The following MYT1L variants were observed in gnomAD, a reference collection of about 807,000 sequenced individuals.
MYT1L encodes myelin transcription factor 1 like.
Under a neutral mutation model 126.7 loss-of-function variants are expected in MYT1L, and 12 were observed. That is an observed-to-expected ratio of 0.09 (90% CI 0.06 to 0.15). The LOEUF (loss-of-function observed/expected upper bound fraction) is 0.15. Ranked by LOEUF, MYT1L falls within the 10% of genes least tolerant of loss-of-function variation. MYT1L has a pLI of 1.00. For missense variants in MYT1L, 979 were observed against 1,585.2 expected, an observed-to-expected ratio of 0.62 and a Z score of 6.49; for synonymous variants, 541 against 604.2, an observed-to-expected ratio of 0.90 and a Z score of 1.53.
At chr2:1,810,128 G>A (rs1239121805) in intron 21 of MYT1L, 2 of 111,936 alleles carry the variant, frequency 1.8e-5, no homozygotes, top group Non-Finnish European at 3.5e-5. Flanking sequence ...TATATATAAC[G>A]CTTTTTTTTT....
chr2:2,199,474 C>T (rs2092964733), intron 2 of MYT1L, among the ~76,000 whole-genome samples: 1 of 152,170 alleles, frequency 6.6e-6, no homozygotes, highest in South Asian at 2.1e-4. Context: ...CCGTCACACT[C>T]TCCTTCCCCC....
chr2:1,830,489 C>T (rs955102475), intron 21 of MYT1L, among the ~76,000 whole-genome samples: 7 of 151,700 alleles, frequency 4.6e-5, no homozygotes, highest in Admixed American at 1.3e-4. Flanking sequence ...AGGGTGTTCT[C>T]GGCACCCCGA....
intron 1 of MYT1L, among the ~76,000 whole-genome samples, chr2:2,290,222 A>AC (rs1427491900): frequency 8.5e-5 from 13 of 152,230 alleles, no homozygotes; most frequent in Admixed American, 7.2e-4. Context: ...TCCCATGGTC[A>AC]CCCCCAACCT....
chr2:1,854,125 G>T (rs1006250076), intron 18 of MYT1L, among the ~76,000 whole-genome samples: 1 of 152,014 alleles, frequency 6.6e-6, no homozygotes, highest in Non-Finnish European at 1.5e-5. Context: ...TAAAATTTGG[G>T]AGGGTAGAAT....
At chr2:2,287,288 T>C (rs941293283) in intron 1 of MYT1L, among the ~76,000 whole-genome samples, 4 of 152,130 alleles carry the variant, frequency 2.6e-5, no homozygotes, top group Admixed American at 6.6e-5. Context: ...TTTTTAAAAA[T>C]TCAGATAATC....
chr2:2,239,868 T>C (rs894263219), intron 2 of MYT1L, among the ~76,000 whole-genome samples: 2 of 150,830 alleles, frequency 1.3e-5, no homozygotes, highest in African/African-American at 2.5e-5. Flanking sequence ...GGGGAGCTCT[T>C]GAGTCTTCTC....
Position 1,851,633 on chromosome 2 carries a change from C to T in MYT1L, c.2774+8G>A. The T allele has an allele frequency of 1.9e-6, 3 of 1,612,788 alleles. No homozygotes were observed. The South Asian group carries it at 3.3e-5, about 18-fold the overall frequency. ...CATTTTGGAGAGAAGAGTAGCATCTCTACATACCTCCGATGAGAAGCATAA... is the reference window on the plus strand; with the variant it reads ...CATTTTGGAGAGAAGAGTAGCATCTTTACATACCTCCGATGAGAAGCATAA... On this transcript the variant is annotated splice_region_variant and intron_variant, in intron 19 of 24. Coordinates refer to ENST00000647738, the MANE Select transcript of MYT1L (RefSeq NM_001303052.2).
intron 3 of MYT1L, among the ~76,000 whole-genome samples, chr2:2,109,912 T>C (rs1359659241): frequency 7.6e-6 from 1 of 131,228 alleles, no homozygotes; most frequent in Non-Finnish European, 1.7e-5. Flanking sequence ...TATATATATA[T>C]ATATATATAT....
chr2:1,833,784 C>T (rs1431049474), intron 21 of MYT1L, among the ~76,000 whole-genome samples: 1 of 152,250 alleles, frequency 6.6e-6, no homozygotes, highest in Non-Finnish European at 1.5e-5. Context: ...TTTTCTATTT[C>T]TCTTACATCA....
chr2:1,909,764 C>G (rs2051641181), intron 13 of MYT1L, among the ~76,000 whole-genome samples: 1 of 152,184 alleles, frequency 6.6e-6, no homozygotes. Context: ...TTGGGCGTAA[C>G]AGGAGGGAGC....
At chr2:1,902,833 G>C in intron 14 of MYT1L, 1 of 510,524 alleles carries the variant, frequency 2.0e-6, no homozygotes, top group South Asian at 2.2e-5. Flanking sequence ...TCCACGAGCA[G>C]CCGAGTGCGC....
At chr2:2,263,332 C>A (rs1022593120) in intron 2 of MYT1L, among the ~76,000 whole-genome samples, 2 of 152,004 alleles carry the variant, frequency 1.3e-5, no homozygotes, top group African/African-American at 4.8e-5. Flanking sequence ...GTTAACGACG[C>A]CCTCTGCTTA....
chr2:2,225,852 G>A lies in MYT1L; in HGVS notation c.-420-52864C>T, dbSNP rs543078476. ...TGACAATCAAACAAAGGTCCCTTCC[G>A]TGTTGCCCCATTCTGCTATGAAGTA... On this transcript the variant is annotated intron_variant, in intron 2 of 24. Coordinates refer to ENST00000647738, the MANE Select transcript of MYT1L (RefSeq NM_001303052.2). 3.9e-5 allele frequency among the ~76,000 whole-genome samples: 6 copies of A among 152,304 alleles called. No individual in the cohort carries two copies. The South Asian group carries it at 6.2e-4, about 16-fold the overall frequency.
chr2:2,032,231 G>T (rs1392001526), intron 4 of MYT1L, among the ~76,000 whole-genome samples: 1 of 75,272 alleles, frequency 1.3e-5, no homozygotes. Flanking sequence ...ACACACCCTC[G>T]CCAGTGCCTC....
chr2:2,128,950 T>A (rs1047246488), intron 3 of MYT1L, among the ~76,000 whole-genome samples: 2 of 152,198 alleles, frequency 1.3e-5, no homozygotes, highest in African/African-American at 4.8e-5. Flanking sequence ...AATGATTTCA[T>A]GCCAAGGAAA....
At chr2:2,092,121 C>T (rs959544794) in intron 3 of MYT1L, among the ~76,000 whole-genome samples, 1 of 152,182 alleles carries the variant, frequency 6.6e-6, no homozygotes, top group Non-Finnish European at 1.5e-5. Flanking sequence ...CACAAGAAAT[C>T]TAGCTTTTGA....
Position 1,801,492 on chromosome 2 carries a change from C to A in MYT1L, c.3276+204G>T. 2.0e-6 allele frequency: 1 copy of A among 491,112 alleles called. No homozygotes were observed. Among genetic ancestry groups the A allele is most frequent in the Non-Finnish European group, 3.6e-6 (1 of 279,884 alleles). 30.4% of individuals were successfully genotyped at this position (491,112 alleles called of 1,614,324 possible). A position where few individuals can be genotyped will look rare whatever the true frequency, so the allele number is the denominator to read the frequency against. On this transcript the variant is annotated intron_variant, in intron 23 of 24. Transcript: ENST00000647738. The surrounding 1 kb of genome is among the most constrained non-coding windows in gnomAD (Gnocchi z 4.2). Reference sequence around the variant, plus strand: ...CACAAACACACATGCAGACTGAAAACGAGAGAACCACGGCCCCTGCTACAG... The same window carrying A: ...CACAAACACACATGCAGACTGAAAAAGAGAGAACCACGGCCCCTGCTACAG...
At chr2:1,937,662 A>G (rs574751957) in intron 9 of MYT1L, among the ~76,000 whole-genome samples, 144 of 152,094 alleles carry the variant, frequency 9.5e-4, no homozygotes, top group African/African-American at 3.3e-3. Flanking sequence ...CGCGGCCATC[A>G]GATCGCACAT....
chr2:1,881,830 T>C (rs2047592640), intron 18 of MYT1L, among the ~76,000 whole-genome samples: 1 of 152,226 alleles, frequency 6.6e-6, no homozygotes, highest in African/African-American at 2.4e-5. Context: ...TCGCTAAATG[T>C]AAACCTTTAA....
Sources: gnomAD v4.1 joint callset for allele counts (sites outside exome capture counted in the v4.1 genomes callset) on GRCh38, gnomAD v4.1.1 for gene constraint, Gnocchi (gnomAD v3.1) non-coding constraint, MANE v1.5 for transcripts, NCBI Gene and HGNC (gene_info 2026-07-23, HGNC 2026-07-21) for gene names.